The following SERPINE2 variants were observed in gnomAD, a reference collection of about 807,000 sequenced individuals.
SERPINE2 encodes the protein glia-derived nexin.
A neutral mutation model predicts 36.3 loss-of-function variants in SERPINE2; 14 were observed. The observed-to-expected ratio is 0.39, with a 90% CI of 0.25 to 0.60. SERPINE2 has a LOEUF of 0.60. Among genes scored for constraint, SERPINE2 ranks in the 20% least tolerant of loss-of-function variants. SERPINE2 has a pLI of 0.57. For synonymous variants in SERPINE2, 192 were observed against 191.8 expected (o/e 1.00, Z -0.01); for missense variants, 418 against 499.6 (o/e 0.84, Z 1.56).
At chr2:224,005,065 T>TTATATATTTTTATATATA (rs1553547022) in intron 1 of SERPINE2, among the ~76,000 whole-genome samples, 723 of 33,170 alleles carry the variant, frequency 0.022, 15 homozygotes, top group Non-Finnish European at 0.035. Flanking sequence ...TTTATATATA[T>TTATATATTTTTATATATA]TATATATATA....
chr2:224,024,285 G>A (rs1337380765), intron 1 of SERPINE2, among the ~76,000 whole-genome samples: 1 of 152,110 alleles, frequency 6.6e-6, no homozygotes, highest in Non-Finnish European at 1.5e-5. Context: ...GTAAAAAGGT[G>A]ATCACTGCCC....
At position 223,982,828 on chromosome 2, in the gene SERPINE2, T is replaced by C. The variant is rs770958991; in HGVS notation, c.885-47A>G. On this transcript the variant is annotated intron_variant, in intron 5 of 8. Coordinates refer to ENST00000409304, the MANE Select transcript of SERPINE2 (RefSeq NM_001136528.2). ...AGAAAAAAAATCACGAGGCTATAAA[T>C]GCTACATGATAGAGTCGGTGCATGT... 3.7e-6 allele frequency: 5 copies of C among 1,353,482 alleles called. No individual in the cohort carries two copies. In the African/African-American group the frequency reaches 5.8e-5, roughly 16 times the overall value. 83.8% of individuals were successfully genotyped at this position (1,353,482 alleles called of 1,614,324 possible).
chr2:223,998,009 C>CCA, intron 3 of SERPINE2, 106 bp downstream of exon 3: 1 of 861,970 alleles, frequency 1.2e-6, no homozygotes, highest in East Asian at 2.5e-5. Flanking sequence ...GTTTCTCAAC[C>CCA]CACAGGCCAT....
intron 2 of SERPINE2, among the ~76,000 whole-genome samples, chr2:224,000,291 G>C (rs1012230432): frequency 2.0e-5 from 3 of 152,160 alleles, no homozygotes; most frequent in Non-Finnish European, 2.9e-5. Flanking sequence ...CAGGAAGAGG[G>C]GGGGAGCCAG....
intron 5 of SERPINE2, among the ~76,000 whole-genome samples, chr2:223,983,726 A>ATG (rs1559195411): frequency 1.1e-5 from 1 of 88,984 alleles, no homozygotes; most frequent in African/African-American, 5.6e-5. Flanking sequence ...ACGTATATAT[A>ATG]TGTGTGTATA....
intron 4 of SERPINE2, among the ~76,000 whole-genome samples, chr2:223,986,250 GA>G (rs1226731361): frequency 6.6e-6 from 1 of 152,202 alleles, no homozygotes; most frequent in East Asian, 1.9e-4. Flanking sequence ...CCCTAAGGAA[GA>G]AACAACATAG....
intron 1 of SERPINE2, among the ~76,000 whole-genome samples, chr2:224,035,795 G>A (rs929390986): frequency 6.6e-6 from 1 of 152,190 alleles, no homozygotes; most frequent in African/African-American, 2.4e-5. Flanking sequence ...TGCTAGAAGT[G>A]GCACACCGGC....
chr2:223,987,383 A>G (rs887877806), intron 4 of SERPINE2, among the ~76,000 whole-genome samples: 4 of 152,164 alleles, frequency 2.6e-5, no homozygotes, highest in African/African-American at 7.2e-5. Flanking sequence ...ACAACTCCCA[A>G]GCAGAATGAA....
intron 1 of SERPINE2, among the ~76,000 whole-genome samples, chr2:224,002,328 T>C (rs1353659691): frequency 6.6e-6 from 1 of 152,114 alleles, no homozygotes; most frequent in Non-Finnish European, 1.5e-5. Context: ...TCAGCATAAT[T>C]GAATGCCATG....
chr2:223,991,348 G>T (rs1443516651), intron 4 of SERPINE2, among the ~76,000 whole-genome samples: 1 of 152,122 alleles, frequency 6.6e-6, no homozygotes, highest in Non-Finnish European at 1.5e-5. Flanking sequence ...AGTGCCCAAG[G>T]GTCCTGCTTC....
chr2:223,975,808 A>G lies in SERPINE2; in HGVS notation c.*59T>C. 1 of 1,346,752 alleles carries G rather than the reference A, an allele frequency of 7.4e-7. No individual in the cohort carries two copies. The allele number at this position is 1,346,752 out of a possible 1,614,324, so 83.4% of individuals were successfully genotyped here. ...AACAGAACTATGAAAGATGCAGGAAAGGAGTCTTTCTTCGTAGCAAAGTAG... is the reference window on the plus strand; with the variant it reads ...AACAGAACTATGAAAGATGCAGGAAGGGAGTCTTTCTTCGTAGCAAAGTAG... On this transcript the variant is annotated 3_prime_UTR_variant, in exon 9 of 9. Transcript: ENST00000409304.
chr2:224,010,451 A>G (rs888632910), intron 1 of SERPINE2: 31 of 774,944 alleles, frequency 4.0e-5, no homozygotes, highest in Non-Finnish European at 4.5e-5. Context: ...TTTTATCCAT[A>G]TATTATCCAT....
intron 1 of SERPINE2, chr2:224,031,402 G>A (rs1692360467): frequency 9.1e-6 from 9 of 985,448 alleles, no homozygotes; most frequent in African/African-American, 1.7e-5. Context: ...CCGTTGGGGG[G>A]AAAACAGAAA....
intron 1 of SERPINE2, among the ~76,000 whole-genome samples, chr2:224,019,283 A>G (rs753006289): frequency 6.6e-6 from 1 of 152,180 alleles, no homozygotes; most frequent in Non-Finnish European, 1.5e-5. Flanking sequence ...TATTATACAT[A>G]TGGATAATAT....
Position 223,975,798 on chromosome 2 carries a change from G to A in SERPINE2, c.*69C>T. On this transcript the variant is annotated 3_prime_UTR_variant, in exon 9 of 9. Coordinates refer to ENST00000409304, the MANE Select transcript of SERPINE2 (RefSeq NM_001136528.2). ...AAAAATATTTAACAGAACTATGAAA[G>A]ATGCAGGAAAGGAGTCTTTCTTCGT... is the stretch of plus-strand genomic sequence containing the variant. The A allele has an allele frequency of 6.3e-6, 8 of 1,261,144 alleles. No individual in the cohort carries two copies. Among genetic ancestry groups the A allele is most frequent in the Non-Finnish European group, 8.9e-6 (8 of 895,608 alleles). The allele number at this position is 1,261,144 out of a possible 1,614,324, so 78.1% of individuals were successfully genotyped here.
chr2:224,008,011 C>A (rs1340631294), intron 1 of SERPINE2, among the ~76,000 whole-genome samples: 1 of 152,110 alleles, frequency 6.6e-6, no homozygotes, highest in African/African-American at 2.4e-5. Context: ...CAGAGGTGCC[C>A]GGCTGCAAGA....
At chr2:224,004,351 A>G (rs1481470507) in intron 1 of SERPINE2, among the ~76,000 whole-genome samples, 1 of 152,232 alleles carries the variant, frequency 6.6e-6, no homozygotes, top group African/African-American at 2.4e-5. Context: ...GTTGTGAAAC[A>G]AGCGCTTTTC....
rs1692632063 is a variant in SERPINE2 at position 224,039,193 on chromosome 2, C to G, written c.-117G>C. 6.6e-6 allele frequency: 1 copy of G among 151,180 alleles called. No homozygotes were observed. The highest frequency in any genetic ancestry group is 1.5e-5 in the Non-Finnish European group (1 of 67,784). The allele number at this position is 151,180 out of a possible 1,614,324, so 9.4% of individuals were successfully genotyped here. A position where few individuals can be genotyped will look rare whatever the true frequency, so the allele number is the denominator to read the frequency against. ...CTCGGCGGCGCGGGGAGTCGGAGGA[C>G]GCAGCCAAGCGGCGGCGGCGAGGAG... is the stretch of plus-strand genomic sequence containing the variant. On this transcript the variant is annotated 5_prime_UTR_variant, in exon 1 of 9. Transcript: ENST00000409304. The surrounding 1 kb of genome is among the most constrained non-coding windows in gnomAD (Gnocchi z 5.2).
chr2:224,005,392 T>G (rs2106170795), intron 1 of SERPINE2, among the ~76,000 whole-genome samples: 1 of 152,214 alleles, frequency 6.6e-6, no homozygotes, highest in East Asian at 1.9e-4. Context: ...ATCAGAGCTA[T>G]TTTTGATTGA....
Sources: allele counts gnomAD v4.1 joint callset (sites outside exome capture counted in the v4.1 genomes callset), GRCh38; gene constraint gnomAD v4.1.1; non-coding constraint Gnocchi (gnomAD v3.1); transcripts MANE v1.5; gene names NCBI Gene and HGNC (gene_info 2026-07-23, HGNC 2026-07-21).